The following KCNMA1 variants were observed in gnomAD, a reference collection of about 807,000 sequenced individuals.
The protein encoded by KCNMA1 is potassium calcium-activated channel subfamily M alpha 1.
In KCNMA1, 29 loss-of-function variants were observed where a neutral mutation model predicts 140.0. The ratio of observed to expected loss-of-function variants is 0.21; its 90% confidence interval spans 0.15 to 0.28. The LOEUF is 0.28. Ranked by LOEUF, KCNMA1 falls within the 10% of genes least tolerant of loss-of-function variation. KCNMA1 has a pLI of 1.00. For missense variants in KCNMA1, 880 were observed against 1,602.2 expected, an observed-to-expected ratio of 0.55 and a Z score of 7.70; for synonymous variants, 612 against 611.9, an observed-to-expected ratio of 1.00 and a Z score of 0.00.
chr10:77,412,554 C>G (rs930642320), intron 1 of KCNMA1, among the ~76,000 whole-genome samples: 1 of 152,154 alleles, frequency 6.6e-6, no homozygotes, highest in East Asian at 1.9e-4. Flanking sequence ...GGGCCAGTCA[C>G]CTAACCTCTC....
intron 29 of KCNMA1, among the ~76,000 whole-genome samples, chr10:76,879,512 G>C (rs1343783070): frequency 6.6e-6 from 1 of 151,854 alleles, no homozygotes; most frequent in Non-Finnish European, 1.5e-5. Context: ...GTTCTGAGAT[G>C]ATCTACAGCT....
At chr10:77,277,877 G>T (rs959223483) in intron 2 of KCNMA1, among the ~76,000 whole-genome samples, 1 of 152,182 alleles carries the variant, frequency 6.6e-6, no homozygotes, top group Non-Finnish European at 1.5e-5. Flanking sequence ...GACATGGACT[G>T]TTGGGACTTT....
intron 2 of KCNMA1, among the ~76,000 whole-genome samples, chr10:77,384,353 C>A (rs1303041487): frequency 2.6e-5 from 4 of 152,206 alleles, no homozygotes; most frequent in African/African-American, 9.6e-5. Flanking sequence ...AGGGTTGAGG[C>A]AAGCCGTGGT....
At chr10:77,497,413 C>T (rs1035342088) in intron 1 of KCNMA1, among the ~76,000 whole-genome samples, 3 of 152,184 alleles carry the variant, frequency 2.0e-5, no homozygotes, top group African/African-American at 7.2e-5. Flanking sequence ...GAAGTCGATG[C>T]CCCTTGAGGG....
rs2040083104 is a variant in KCNMA1 at position 76,891,567 on chromosome 10, C to G, written c.3300G>C (p.Val1100=). 1.2e-6 allele frequency: 2 copies of G among 1,613,856 alleles called. No homozygotes were observed. The highest frequency in any genetic ancestry group is 4.5e-5 in the East Asian group (2 of 44,850). Residue 1100 remains valine, a synonymous_variant, in exon 26 of 28, where the codon GTG becomes GTC. Transcript: ENST00000286628. ...GCCCATCGAGCAGAGCTAACTGGGCCACGCGGCAGCGGTCCCTATTGGCCA... is the reference window on the plus strand; with the variant it reads ...GCCCATCGAGCAGAGCTAACTGGGCGACGCGGCAGCGGTCCCTATTGGCCA... ...QTLANRDRCR[V]AQLALLDGPF...
chr10:77,600,748 A>AACAC (rs60159761), intron 1 of KCNMA1, among the ~76,000 whole-genome samples: 43,893 of 150,384 alleles, frequency 0.29, 6,503 homozygotes, highest in Middle Eastern at 0.4. Flanking sequence ...CTCCATCTCA[A>AACAC]ACACACACAC....
chr10:77,402,703 C>T (rs543920766), intron 2 of KCNMA1, among the ~76,000 whole-genome samples: 2 of 152,322 alleles, frequency 1.3e-5, no homozygotes, highest in Admixed American at 6.5e-5. Context: ...CCTCCATCTA[C>T]AGTCACCTCT....
intron 19 of KCNMA1, among the ~76,000 whole-genome samples, chr10:76,973,560 G>T (rs2076679349): frequency 6.6e-6 from 1 of 152,174 alleles, no homozygotes; most frequent in Non-Finnish European, 1.5e-5. Flanking sequence ...TTATTTCAAT[G>T]ACATAACCTC....
intron 5 of KCNMA1, among the ~76,000 whole-genome samples, chr10:77,167,887 T>C (rs990042098): frequency 1.3e-5 from 2 of 152,068 alleles, no homozygotes; most frequent in Non-Finnish European, 2.9e-5. Context: ...CTCACCATGT[T>C]GCCCAGGCTG....
intron 16 of KCNMA1, among the ~76,000 whole-genome samples, chr10:77,025,998 AATAT>A (rs34726010): frequency 8.6e-5 from 12 of 139,924 alleles, no homozygotes; most frequent in Non-Finnish European, 1.2e-4. Flanking sequence ...AGAAAAAAAA[AATAT>A]ATATATATAT....
intron 3 of KCNMA1, among the ~76,000 whole-genome samples, chr10:77,235,656 G>T (rs542642011): frequency 3.9e-5 from 6 of 152,094 alleles, no homozygotes; most frequent in Non-Finnish European, 8.8e-5. Context: ...GGAATAAATC[G>T]CTTCGTTTTC....
chr10:77,477,098 G>A lies in KCNMA1; in HGVS notation c.379-73075C>T, dbSNP rs554652403. Reference sequence around the variant, plus strand: ...TTAGCTGCATGACTTGCCTCCTGCCGGTCATTTGTCTTCCTTGGGCCTCCA... The same window carrying A: ...TTAGCTGCATGACTTGCCTCCTGCCAGTCATTTGTCTTCCTTGGGCCTCCA... On this transcript the variant is annotated intron_variant, in intron 1 of 27. Coordinates refer to ENST00000286628, the MANE Select transcript of KCNMA1 (RefSeq NM_001161352.2). Among the ~76,000 whole-genome samples, 33 of 152,316 alleles carry A rather than the reference G, an allele frequency of 2.2e-4. 1 individual carries two copies. In the East Asian group the frequency reaches 5.4e-3, roughly 25 times the overall value.
At chr10:77,027,675 TC>T (rs945794512) in intron 16 of KCNMA1, 147 bp downstream of exon 16, 1 of 760,140 alleles carries the variant, frequency 1.3e-6, no homozygotes, top group Non-Finnish European at 2.4e-6. Context: ...GGGGCATGCC[TC>T]GAAATGTGCT....
intron 1 of KCNMA1, among the ~76,000 whole-genome samples, chr10:77,421,463 G>A (rs1603556598): frequency 6.6e-6 from 1 of 152,156 alleles, no homozygotes. Flanking sequence ...TTCTGTAAAG[G>A]GCCAGATAGG....
In KCNMA1 at chr10:77,637,701, A is replaced by G; in HGVS notation, c.-59T>C. 1 of 1,427,028 alleles carries G rather than the reference A, an allele frequency of 7.0e-7. No individual in the cohort carries two copies. The highest frequency in any genetic ancestry group is 9.1e-7 in the Non-Finnish European group (1 of 1,103,828). 88.4% of individuals were successfully genotyped at this position (1,427,028 alleles called of 1,614,324 possible). On this transcript the variant is annotated 5_prime_UTR_variant, in exon 1 of 28. Transcript: ENST00000286628. ...GGGAGCTCCTCCCGCCGCCAGCGCC[A>G]CCCCAAACACCCATCAACAGCCATA...
intron 23 of KCNMA1, among the ~76,000 whole-genome samples, chr10:76,938,376 C>T (rs1000316893): frequency 1.3e-5 from 2 of 152,208 alleles, no homozygotes; most frequent in Non-Finnish European, 2.9e-5. Flanking sequence ...GAAGGAAACA[C>T]ACATCCATGC....
In KCNMA1 at chr10:77,144,821, ATTTG is replaced by A. The variant is rs368904274; in HGVS notation, c.809-23777_809-23774del. Among the ~76,000 whole-genome samples the A allele has an allele frequency of 5.5e-4, 84 of 152,292 alleles. 1 individual carries two copies. The highest frequency in any genetic ancestry group is 2.0e-3 in the African/African-American group (83 of 41,546). On this transcript the variant is annotated intron_variant, in intron 5 of 27. Transcript: ENST00000286628. Reference sequence around the variant, plus strand: ...GCTGGTTTAATTGGAGAAGTGAAGGATTTGTATTCAGGCTCTGCCACCAGCAGCT... The same window carrying A: ...GCTGGTTTAATTGGAGAAGTGAAGGATATTCAGGCTCTGCCACCAGCAGCT...
chr10:76,941,408 G>A (rs2062352194), intron 23 of KCNMA1, among the ~76,000 whole-genome samples: 1 of 152,150 alleles, frequency 6.6e-6, no homozygotes, highest in Non-Finnish European at 1.5e-5. Flanking sequence ...CAGCTCACAG[G>A]CTGGGAGGAG....
At chr10:77,580,741 C>A (rs757730140) in intron 1 of KCNMA1, among the ~76,000 whole-genome samples, 1 of 152,224 alleles carries the variant, frequency 6.6e-6, no homozygotes, top group Non-Finnish European at 1.5e-5. Flanking sequence ...AAAGTCCAGA[C>A]CTGTTCCTGA....
Sources: gnomAD v4.1 joint callset for allele counts (sites outside exome capture counted in the v4.1 genomes callset) on GRCh38, gnomAD v4.1.1 for gene constraint, MANE v1.5 for transcripts, NCBI Gene and HGNC (gene_info 2026-07-23, HGNC 2026-07-21) for gene names.